PCDHA11: variants seen among roughly 807,000 people sequenced by gnomAD.
PCDHA11 encodes the protein protocadherin alpha-11.
A neutral mutation model predicts 70.3 loss-of-function variants in PCDHA11; 61 were observed. The observed-to-expected ratio is 0.87, with a 90% CI of 0.71 to 1.07. The LOEUF (loss-of-function observed/expected upper bound fraction) is 1.07, where lower values mean the gene tolerates loss of function less well. Among genes scored for constraint, PCDHA11 ranks in the 50% least tolerant of loss-of-function variants. The probability of loss-of-function intolerance (pLI) is 0.00; values close to 1 mark genes in which losing one functional copy is unlikely to be tolerated. For synonymous variants in PCDHA11, 633 were observed against 555.1 expected (o/e 1.14, Z -1.97); for missense variants, 1,324 against 1,237.5 (o/e 1.07, Z -1.05).
chr5:140,899,982 AT>A (rs1290251020), intron 1 of PCDHA11, among the ~76,000 whole-genome samples: 2 of 150,600 alleles, frequency 1.3e-5, no homozygotes, highest in African/African-American at 4.9e-5. Flanking sequence ...TACTTTTTTG[AT>A]TTTTTTTGTA....
chr5:140,983,719 A>C (rs1417350764), intron 3 of PCDHA11, among the ~76,000 whole-genome samples: 1 of 152,256 alleles, frequency 6.6e-6, no homozygotes, highest in African/African-American at 2.4e-5. Context: ...TAGCACTTAT[A>C]TTCATAACAT....
rs1382251688 is a variant in PCDHA11, at chr5:141,010,812, C to A, written c.*875C>A. The A allele has an allele frequency of 6.5e-6, 1 of 153,746 alleles. No homozygotes were observed. Among genetic ancestry groups the A allele is most frequent in the Non-Finnish European group, 1.5e-5 (1 of 68,054 alleles). The allele number at this position is 153,746 out of a possible 1,614,324, so 9.5% of individuals were successfully genotyped here. On this transcript the variant is annotated 3_prime_UTR_variant, in exon 4 of 4. Coordinates refer to ENST00000398640, the MANE Select transcript of PCDHA11 (RefSeq NM_018902.5). The stretch of plus-strand genomic sequence containing the variant: ...GCAAAAGAAAACCCCGACACCTCAC[C>A]TTTCGCTGTTTGTTGTTTCATAGAT...
At chr5:140,952,970 T>C (rs2094826762) in intron 1 of PCDHA11, among the ~76,000 whole-genome samples, 1 of 152,000 alleles carries the variant, frequency 6.6e-6, no homozygotes, top group Non-Finnish European at 1.5e-5. Context: ...TACACACTTT[T>C]AAACAACAAG....
intron 1 of PCDHA11, among the ~76,000 whole-genome samples, chr5:140,886,827 G>GAAAAA (rs782016620): frequency 6.6e-5 from 4 of 60,918 alleles, no homozygotes; most frequent in African/African-American, 6.0e-5. Flanking sequence ...ACTTCGTCTT[G>GAAAAA]AAAAAAAAAA....
chr5:140,884,454 A>G, intron 1 of PCDHA11: 2 of 1,613,688 alleles, frequency 1.2e-6, no homozygotes, highest in Non-Finnish European at 1.7e-6. Flanking sequence ...CCGCCCACCG[A>G]GGGCGCGTGC....
At chr5:140,975,313 T>C (rs2096662091) in intron 1 of PCDHA11, among the ~76,000 whole-genome samples, 1 of 152,224 alleles carries the variant, frequency 6.6e-6, no homozygotes, top group African/African-American at 2.4e-5. Flanking sequence ...TGTGATTATG[T>C]CAGTCCCATC....
rs558900138 is a variant in PCDHA11, at chr5:140,898,510, C to T, written c.2391+27016C>T. On this transcript the variant is annotated intron_variant, in intron 1 of 3. Coordinates refer to ENST00000398640, the MANE Select transcript of PCDHA11 (RefSeq NM_018902.5). ...AGATCAGATAGTTGTAGATATGCGG[C>T]GTTATTTCTGAGGGCTCTGTTCTGT... Among the ~76,000 whole-genome samples, 9 of 152,196 alleles carry T rather than the reference C, an allele frequency of 5.9e-5. No homozygotes were observed. In the South Asian group the frequency reaches 6.2e-4, roughly 11 times the overall value.
At chr5:140,958,746 G>A (rs946339571) in intron 1 of PCDHA11, among the ~76,000 whole-genome samples, 3 of 152,184 alleles carry the variant, frequency 2.0e-5, no homozygotes, top group African/African-American at 7.2e-5. Context: ...AGAGAGAAAG[G>A]AGATTTTTAC....
chr5:141,011,299 CTGAA>C lies in PCDHA11; in HGVS notation c.*1364_*1367del, dbSNP rs1554263406. ...TTTAGTTTTCCTTTTCTATAACACT[CTGAA>C]TTGCTAATCTTACTAACACCTATGA... is the stretch of plus-strand genomic sequence containing the variant. On this transcript the variant is annotated 3_prime_UTR_variant, in exon 4 of 4. Coordinates refer to ENST00000398640, the MANE Select transcript of PCDHA11 (RefSeq NM_018902.5). 1 of 153,768 alleles carries C rather than the reference CTGAA, an allele frequency of 6.5e-6. No homozygotes were observed. Among genetic ancestry groups the C allele is most frequent in the East Asian group, 1.9e-4 (1 of 5,198 alleles). The allele number at this position is 153,768 out of a possible 1,614,324, so 9.5% of individuals were successfully genotyped here.
At chr5:140,888,705 A>G (rs2061950008) in intron 1 of PCDHA11, among the ~76,000 whole-genome samples, 1 of 152,082 alleles carries the variant, frequency 6.6e-6, no homozygotes, top group South Asian at 2.1e-4. Context: ...ATTGGTAGGA[A>G]TGTGAAATAT....
intron 1 of PCDHA11, among the ~76,000 whole-genome samples, chr5:140,913,410 C>A (rs375204256): frequency 6.6e-6 from 1 of 152,040 alleles, no homozygotes; most frequent in Non-Finnish European, 1.5e-5. Flanking sequence ...CCTTTGAATT[C>A]CTGCAGTATC....
chr5:140,950,809 A>G (rs1554219635), intron 1 of PCDHA11, among the ~76,000 whole-genome samples: 1 of 152,102 alleles, frequency 6.6e-6, no homozygotes, highest in African/African-American at 2.4e-5. Context: ...GTTTTACCAT[A>G]GTAGGGTTAA....
At chr5:140,887,538 A>AC (rs1554183096) in intron 1 of PCDHA11, among the ~76,000 whole-genome samples, 1 of 151,216 alleles carries the variant, frequency 6.6e-6, no homozygotes, top group Admixed American at 6.6e-5. Flanking sequence ...TCCTCTCCCC[A>AC]CCCCTCATGG....
At chr5:140,880,694 A>T (rs1254061280) in intron 1 of PCDHA11, among the ~76,000 whole-genome samples, 1 of 152,346 alleles carries the variant, frequency 6.6e-6, no homozygotes, top group South Asian at 2.1e-4. Context: ...AGTCATGGTT[A>T]AGTGACAATG....
rs149179821 is a variant in PCDHA11 at position 141,012,224 on chromosome 5, C to T, written c.*2287C>T. 2 of 153,832 alleles carry T rather than the reference C, an allele frequency of 1.3e-5. No homozygotes were observed. Among genetic ancestry groups the T allele is most frequent in the East Asian group, 3.9e-4 (2 of 5,184 alleles). 9.5% of individuals were successfully genotyped at this position (153,832 alleles called of 1,614,324 possible). On this transcript the variant is annotated 3_prime_UTR_variant, in exon 4 of 4. Coordinates refer to ENST00000398640, the MANE Select transcript of PCDHA11 (RefSeq NM_018902.5). ...CTTTTTACATTTGCGAAGTGCTTTC[C>T]AATCCATGTTAGTTACTAGTTATTA...
intron 1 of PCDHA11, among the ~76,000 whole-genome samples, chr5:140,893,546 A>T (rs765690335): frequency 2.0e-5 from 3 of 152,210 alleles, no homozygotes; most frequent in Non-Finnish European, 4.4e-5. Context: ...TGTAGGACTT[A>T]TCTAGTTGTA....
intron 1 of PCDHA11, among the ~76,000 whole-genome samples, chr5:140,879,282 A>T (rs1554170732): frequency 1.3e-5 from 2 of 152,238 alleles, no homozygotes; most frequent in Non-Finnish European, 2.9e-5. Context: ...ACTCAATACA[A>T]ATGATAAGAG....
chr5:140,910,972 G>T (rs533796834), intron 1 of PCDHA11, among the ~76,000 whole-genome samples: 1 of 152,124 alleles, frequency 6.6e-6, no homozygotes, highest in African/African-American at 2.4e-5. Flanking sequence ...CCTCCTCATG[G>T]GTTATACTCT....
chr5:140,875,242 TA>T, intron 1 of PCDHA11: 2 of 943,026 alleles, frequency 2.1e-6, no homozygotes, highest in Non-Finnish European at 3.0e-6. Flanking sequence ...TGTACTTACA[TA>T]ATCAGTCACA....
Sources: gnomAD v4.1 joint callset for allele counts (sites outside exome capture counted in the v4.1 genomes callset) on GRCh38, gnomAD v4.1.1 for gene constraint, MANE v1.5 for transcripts, NCBI Gene and HGNC (gene_info 2026-07-23, HGNC 2026-07-21) for gene names.